CACNA1A: variants seen among roughly 807,000 people sequenced by gnomAD.
CACNA1A encodes the protein voltage-dependent P/Q-type calcium channel subunit alpha-1A.
Under a neutral mutation model 262.4 loss-of-function variants are expected in CACNA1A, and 57 were observed. That is an observed-to-expected ratio of 0.22 (90% confidence interval 0.18 to 0.27). The LOEUF (loss-of-function observed/expected upper bound fraction) is 0.27, where lower values mean the gene tolerates loss of function less well. Ranked by LOEUF, CACNA1A falls within the 10% of genes least tolerant of loss-of-function variation. The probability of loss-of-function intolerance (pLI) is 1.00; values close to 1 mark genes in which losing one functional copy is unlikely to be tolerated. For synonymous variants in CACNA1A, 1,431 were observed against 1,419.3 expected, an observed-to-expected ratio of 1.01 and a Z score of -0.18; for missense variants, 2,526 against 3,562.8, an observed-to-expected ratio of 0.71 and a Z score of 7.41.
At chr19:13,458,338 T>C (rs1454068518) in intron 1 of CACNA1A, among the ~76,000 whole-genome samples, 1 of 151,978 alleles carries the variant, frequency 6.6e-6, no homozygotes, top group African/African-American at 2.4e-5. Flanking sequence ...TTTTTTTTTG[T>C]AAGAGACAGA....
intron 6 of CACNA1A, among the ~76,000 whole-genome samples, chr19:13,354,326 G>A (rs1014529507): frequency 2.0e-5 from 3 of 152,158 alleles, no homozygotes; most frequent in Admixed American, 6.6e-5. Context: ...ACTGGCTTCG[G>A]CTCCAGCACC....
intron 6 of CACNA1A, among the ~76,000 whole-genome samples, chr19:13,339,950 G>A (rs962565619): frequency 2.6e-5 from 4 of 152,156 alleles, no homozygotes; most frequent in African/African-American, 4.8e-5. Context: ...CCGAGTCAGC[G>A]GAACATTGCT....
At chr19:13,259,500 C>T (rs2056671433) in intron 27 of CACNA1A, 64 bp downstream of exon 27, 2 of 1,505,986 alleles carry the variant, frequency 1.3e-6, no homozygotes, top group East Asian at 4.9e-5. Flanking sequence ...GCTAAGCTCT[C>T]AGGCCCTTTA....
intron 19 of CACNA1A, among the ~76,000 whole-genome samples, chr19:13,296,013 A>ATTTG: frequency 6.6e-6 from 1 of 152,204 alleles, no homozygotes; most frequent in Non-Finnish European, 1.5e-5. Flanking sequence ...TTGTCCACAC[A>ATTTG]ACCCAGAGTT....
intron 1 of CACNA1A, among the ~76,000 whole-genome samples, chr19:13,480,720 C>A (rs1036363817): frequency 6.6e-6 from 1 of 152,138 alleles, no homozygotes; most frequent in Non-Finnish European, 1.5e-5. Context: ...TTTTTGACTG[C>A]ACAGGAGGTC....
chr19:13,276,924 C>G, intron 23 of CACNA1A, 145 bp downstream of exon 23: 1 of 560,420 alleles, frequency 1.8e-6, no homozygotes, highest in Admixed American at 2.7e-5. Flanking sequence ...GTTGGCCAGG[C>G]TGGCCTCAAC....
In CACNA1A at chr19:13,212,140, C is replaced by G; in HGVS notation, c.6266G>C (p.Arg2089Pro). The change falls in exon 43 of 47, where the codon CGG (arginine) becomes CCG (proline). Residue 2089 changes from arginine to proline, a missense_variant. Physicochemically the swap from Arg to Pro is moderately radical, Grantham distance 103. This residue lies in a region of CACNA1A where 929 missense variants were observed against 868.1 expected (regional missense o/e 1.07). Coordinates refer to ENST00000360228, the MANE Select transcript of CACNA1A (RefSeq NM_001127222.2). This position sits in a 1 kb window ranked among gnomAD's most constrained non-coding sequence, Gnocchi z 5.6. Reference protein sequence around the residue: ...EHYLPMEGQGRAASMPRLPAE... With the variant: ...EHYLPMEGQGPAASMPRLPAE... Reference sequence around the variant, plus strand: ...AGGGAGGCGGGGCATGGAGGCAGCCCGGCCCTGGCCTTCCATGGGGAGGTA... The same window carrying G: ...AGGGAGGCGGGGCATGGAGGCAGCCGGGCCCTGGCCTTCCATGGGGAGGTA... The G allele has an allele frequency of 1.2e-6, 2 of 1,613,606 alleles. No individual in the cohort carries two copies. The highest frequency in any genetic ancestry group is 2.7e-5 in the African/African-American group (2 of 75,032).
At chr19:13,313,498 TAAAAAAAAA>T (rs1007419624) in intron 11 of CACNA1A, among the ~76,000 whole-genome samples, 1 of 65,710 alleles carries the variant, frequency 1.5e-5, no homozygotes, top group Non-Finnish European at 2.7e-5. Flanking sequence ...AGACCTTGTC[TAAAAAAAAA>T]AAAAAAAAAA....
chr19:13,479,896 A>G (rs1313986636), intron 1 of CACNA1A, among the ~76,000 whole-genome samples: 1 of 152,262 alleles, frequency 6.6e-6, no homozygotes, highest in African/African-American at 2.4e-5. Flanking sequence ...ACTCTGGCCC[A>G]TGGCTTGTTT....
chr19:13,338,513 T>C (rs1036559381), intron 6 of CACNA1A, among the ~76,000 whole-genome samples: 10 of 151,884 alleles, frequency 6.6e-5, no homozygotes, highest in Admixed American at 3.9e-4. Flanking sequence ...TAGCTCCAAA[T>C]TGCAAACAAT....
At chr19:13,217,310 T>G (rs1195273106) in intron 38 of CACNA1A, among the ~76,000 whole-genome samples, 2 of 152,094 alleles carry the variant, frequency 1.3e-5, no homozygotes, top group African/African-American at 2.4e-5. Context: ...CAATGAATGG[T>G]GACACCATTT....
intron 30 of CACNA1A, among the ~76,000 whole-genome samples, chr19:13,251,313 C>A (rs2056388875): frequency 6.6e-6 from 1 of 151,968 alleles, no homozygotes; most frequent in African/African-American, 2.4e-5. Flanking sequence ...GAAACCCCAT[C>A]TCTACTAAAA....
intron 1 of CACNA1A, among the ~76,000 whole-genome samples, chr19:13,472,246 C>T (rs1013171248): frequency 2.6e-5 from 4 of 152,052 alleles, no homozygotes; most frequent in African/African-American, 7.2e-5. Flanking sequence ...GCTAGGATCA[C>T]AGGTGTGAGC....
At chr19:13,282,679 G>A (rs563312619) in intron 22 of CACNA1A, among the ~76,000 whole-genome samples, 1 of 151,906 alleles carries the variant, frequency 6.6e-6, no homozygotes, top group African/African-American at 2.4e-5. Context: ...GTCAAATGGG[G>A]ATGCCTGGGC....
At chr19:13,502,997 A>G (rs1400602527) in intron 1 of CACNA1A, among the ~76,000 whole-genome samples, 2 of 152,132 alleles carry the variant, frequency 1.3e-5, no homozygotes, top group African/African-American at 4.8e-5. Context: ...CCAAATACAC[A>G]TCCCACAACA....
At chr19:13,503,223 T>C (rs935605226) in intron 1 of CACNA1A, among the ~76,000 whole-genome samples, 5 of 152,054 alleles carry the variant, frequency 3.3e-5, no homozygotes, top group African/African-American at 9.7e-5. Context: ...TCCATTTACA[T>C]GTTTAAAAGA....
In CACNA1A at chr19:13,227,535, C is replaced by T; in HGVS notation, c.5529-8G>A. ...AGGTAAGGCATGCGGCCCCTGGCAG[C>T]ACCGAAAATGAAAAAAACAAAAACA... On this transcript the variant is annotated splice_region_variant and splice_polypyrimidine_tract_variant and intron_variant, in intron 36 of 46. Transcript: ENST00000360228. 6.6e-7 allele frequency: 1 copy of T among 1,517,486 alleles called. No individual in the cohort carries two copies. The highest frequency in any genetic ancestry group is 8.9e-7 in the Non-Finnish European group (1 of 1,122,598). 94.0% of individuals were successfully genotyped at this position (1,517,486 alleles called of 1,614,324 possible). A position where few individuals can be genotyped will look rare whatever the true frequency, so the allele number is the denominator to read the frequency against.
chr19:13,499,650 C>T (rs1400293536), intron 1 of CACNA1A, among the ~76,000 whole-genome samples: 5 of 152,136 alleles, frequency 3.3e-5, no homozygotes, highest in African/African-American at 1.2e-4. Flanking sequence ...AAGGGAGATG[C>T]TACTAGAAGG....
At position 13,214,842 on chromosome 19, in the gene CACNA1A, C is replaced by T. The variant is rs1261738088; in HGVS notation, c.5732-234G>A. On this transcript the variant is annotated intron_variant, in intron 38 of 46. Coordinates refer to ENST00000360228, the MANE Select transcript of CACNA1A (RefSeq NM_001127222.2). The surrounding 1 kb of genome is among the most constrained non-coding windows in gnomAD (Gnocchi z 4.1). ...GACCATGGAGCAGCTGTGCAGGAGA[C>T]AGCCCGGCATGGAGAACAGCTGGGC... 3.7e-6 allele frequency: 2 copies of T among 535,664 alleles called. No homozygotes were observed. The highest frequency in any genetic ancestry group is 6.7e-6 in the Non-Finnish European group (2 of 300,316). The allele number at this position is 535,664 out of a possible 1,614,324, so 33.2% of individuals were successfully genotyped here.
Sources: gnomAD v4.1 joint callset for allele counts (sites outside exome capture counted in the v4.1 genomes callset) on GRCh38, gnomAD v4.1.1 for gene constraint, gnomAD v4.1.1 regional missense constraint, Gnocchi (gnomAD v3.1) non-coding constraint, MANE v1.5 for transcripts, NCBI Gene and HGNC (gene_info 2026-07-23, HGNC 2026-07-21) for gene names.